The following WDR77 variants were observed in gnomAD, a reference collection of about 807,000 sequenced individuals.
The protein encoded by WDR77 is methylosome protein WDR77.
Under a neutral mutation model 44.0 loss-of-function variants are expected in WDR77, and 31 were observed. The ratio of observed to expected loss-of-function variants is 0.70; its 90% CI spans 0.53 to 0.95. WDR77 has a LOEUF of 0.95. Among genes scored for constraint, WDR77 ranks in the 40% least tolerant of loss-of-function variants. WDR77 has a pLI of 0.00. For missense variants in WDR77, 390 were observed against 423.9 expected, an observed-to-expected ratio of 0.92 and a Z score of 0.70; for synonymous variants, 186 against 165.7, an observed-to-expected ratio of 1.12 and a Z score of -0.94.
At chr1:111,442,368 C>T (rs1239716712) in intron 8 of WDR77, among the ~76,000 whole-genome samples, 1 of 152,202 alleles carries the variant, frequency 6.6e-6, no homozygotes, top group African/African-American at 2.4e-5. Context: ...CAGGCTTTTC[C>T]AATCTCACAG....
chr1:111,444,224 T>A, intron 4 of WDR77, 100 bp from the exon 5 acceptor site: 8 of 1,109,996 alleles, frequency 7.2e-6, no homozygotes, highest in Non-Finnish European at 9.4e-6. Context: ...GAGGGAGGGC[T>A]GGTCTCATGA....
intron 3 of WDR77, 58 bp from the exon 4 acceptor site, chr1:111,447,202 G>T (rs774226015): frequency 1.5e-5 from 24 of 1,597,464 alleles, no homozygotes; most frequent in Non-Finnish European, 2.1e-5. Flanking sequence ...ACATAAAAAC[G>T]TGTTCAAACA....
intron 3 of WDR77, 137 bp from the exon 4 acceptor site, chr1:111,447,281 G>A (rs2101747637): frequency 6.9e-7 from 1 of 1,458,620 alleles, no homozygotes; most frequent in Non-Finnish European, 9.4e-7. Context: ...TACTTACGAT[G>A]GACTGCAAAA....
At chr1:111,447,635 T>A in intron 2 of WDR77, 59 bp from the exon 3 acceptor site, 1 of 1,591,618 alleles carries the variant, frequency 6.3e-7, no homozygotes. Flanking sequence ...AGTAATTCAC[T>A]TCTAGGATTC....
In WDR77 at chr1:111,447,579, G is replaced by A; in HGVS notation, c.302-3C>T. 2 of 1,614,218 alleles carry A rather than the reference G, an allele frequency of 1.2e-6. No individual in the cohort carries two copies. Among genetic ancestry groups the A allele is most frequent in the African/African-American group, 1.3e-5 (1 of 75,064 alleles). ...TAGTTCCCACAATTCAACAGCACCT[G>A]TTGGGGGTAGGGTAAGGAAAACATG... On this transcript the variant is annotated splice_region_variant and splice_polypyrimidine_tract_variant and intron_variant, in intron 2 of 9. Coordinates refer to ENST00000235090, the MANE Select transcript of WDR77 (RefSeq NM_024102.4).
At chr1:111,444,236 G>T in intron 4 of WDR77, 112 bp from the exon 5 acceptor site, 1 of 994,268 alleles carries the variant, frequency 1.0e-6, no homozygotes, top group Non-Finnish European at 1.5e-6. Flanking sequence ...GTCTCATGAT[G>T]CAATTTAACA....
rs780296678 is a variant in WDR77, at chr1:111,443,891, A to G, written c.595T>C (p.Cys199Arg). ...CCAATCTGTGATGCTGGCTTGGGAC[A>G]GCGGGTATCCCAGAGTAAAATTCTA... The part of the protein sequence containing the change: ...DNRILLWDTR[C>R]PKPASQIGCS... The change falls in exon 6 of 10, where the codon TGT (cysteine) becomes CGT (arginine). Residue 199 changes from cysteine to arginine, a missense_variant. By Grantham distance (180) the Cys-to-Arg change is radical. Transcript: ENST00000235090. 45 of 1,614,076 alleles carry G rather than the reference A, an allele frequency of 2.8e-5. No individual in the cohort carries two copies. The highest frequency in any genetic ancestry group is 3.6e-5 in the Non-Finnish European group (43 of 1,180,030).
intron 9 of WDR77, 37 bp downstream of exon 9, chr1:111,441,988 C>CT (rs1652834944): frequency 6.3e-7 from 1 of 1,599,144 alleles, no homozygotes; most frequent in Non-Finnish European, 8.6e-7. Flanking sequence ...CACTGCTCCC[C>CT]TTCCCTGATT....
At chr1:111,446,894 C>A (rs1161183897) in intron 4 of WDR77, 1 of 593,826 alleles carries the variant, frequency 1.7e-6, no homozygotes. Context: ...CACTACTGCA[C>A]TTGACTAGTC....
chr1:111,443,470 A>C (rs1652896976), intron 6 of WDR77, 76 bp from the exon 7 acceptor site: 1 of 1,429,488 alleles, frequency 7.0e-7, no homozygotes, highest in Non-Finnish European at 9.6e-7. Context: ...TATCACTCTA[A>C]ATCCTGGGAG....
At position 111,449,245 on chromosome 1, in the gene WDR77, T is replaced by C; in HGVS notation, c.-76A>G. The C allele has an allele frequency of 1.3e-6, 2 of 1,536,222 alleles. No homozygotes were observed. Among genetic ancestry groups the C allele is most frequent in the Non-Finnish European group, 1.7e-6 (2 of 1,146,920 alleles). On this transcript the variant is annotated 5_prime_UTR_variant, in exon 1 of 10. Transcript: ENST00000235090. Reference sequence around the variant, plus strand: ...CTCCGCTCCGGCAGCAAACCCCACGTGGTGCACCTCTGAGCCTCCGCCCCT... The same window carrying C: ...CTCCGCTCCGGCAGCAAACCCCACGCGGTGCACCTCTGAGCCTCCGCCCCT...
chr1:111,441,316 TG>T lies in WDR77; in HGVS notation c.942del (p.Thr315GlnfsTer40). 1.3e-6 allele frequency: 2 copies of T among 1,585,996 alleles called. No individual in the cohort carries two copies. The highest frequency in any genetic ancestry group is 1.7e-6 in the Non-Finnish European group (2 of 1,163,920). ...ACGACCTGATGGTCCCAGCCCACTG[TG>T]GTAAGCAGGGAGTGATTGAGCGGGG... The part of the protein sequence containing the change: ...TWSPLNHSLL[T>X]TVGWDHQVVH... On this transcript the variant is annotated frameshift_variant, in exon 10 of 10. Transcript: ENST00000235090. LOFTEE classifies it high-confidence loss of function.
rs777508895 is a variant in WDR77 at position 111,444,171 on chromosome 1, C to A, written c.494-47G>T. ...AAATATGATAGAAAACAAGCTGAAG[C>A]ATTACTAGAGGGCCAGCCCAGGAAT... On this transcript the variant is annotated intron_variant, in intron 4 of 9. Coordinates refer to ENST00000235090, the MANE Select transcript of WDR77 (RefSeq NM_024102.4). The A allele has an allele frequency of 3.1e-6, 5 of 1,593,764 alleles. No individual in the cohort carries two copies. The South Asian group carries it at 5.5e-5, about 18-fold the overall frequency.
intron 9 of WDR77, among the ~76,000 whole-genome samples, chr1:111,441,773 G>A (rs925004526): frequency 1.3e-5 from 2 of 152,232 alleles, no homozygotes; most frequent in Non-Finnish European, 2.9e-5. Context: ...GTGGGAGAGC[G>A]CTGGAGGGCT....
Position 111,442,774 on chromosome 1 carries a change from A to AT in WDR77, c.692-14_692-13insA. Reference sequence around the variant, plus strand: ...CCATTCTCATCACCTGTAGAAGAGAAGGAACATGTCATAGTGATTAAGAGC... The same window carrying AT: ...CCATTCTCATCACCTGTAGAAGAGAATGGAACATGTCATAGTGATTAAGAGC... On this transcript the variant is annotated splice_polypyrimidine_tract_variant and intron_variant, in intron 7 of 9. Transcript: ENST00000235090. 6.5e-7 allele frequency: 1 copy of AT among 1,543,818 alleles called. No homozygotes were observed. Among genetic ancestry groups the AT allele is most frequent in the Non-Finnish European group, 8.8e-7 (1 of 1,135,402 alleles).
chr1:111,447,919 C>G lies in WDR77; in HGVS notation c.302-343G>C, dbSNP rs1653116021. On this transcript the variant is annotated intron_variant, in intron 2 of 9. Transcript: ENST00000235090. ...GAAGTTTCCACAACTGTTTAAGCAGCACACTATCCAGTGATGTTAACACTT... is the reference window on the plus strand; with the variant it reads ...GAAGTTTCCACAACTGTTTAAGCAGGACACTATCCAGTGATGTTAACACTT... 2.0e-5 allele frequency among the ~76,000 whole-genome samples: 3 copies of G among 152,338 alleles called. No individual in the cohort carries two copies. The South Asian group carries it at 6.2e-4, about 32-fold the overall frequency.
chr1:111,446,759 T>G (rs1303425066), intron 4 of WDR77: 1 of 216,768 alleles, frequency 4.6e-6, no homozygotes, highest in Non-Finnish European at 9.1e-6. Flanking sequence ...AGCCCTGTGT[T>G]GCCAAGGTGG....
chr1:111,443,740 G>A lies in WDR77; in HGVS notation c.619+127C>T, dbSNP rs139475872. Reference sequence around the variant, plus strand: ...GCAGAGCCTCACTGGAAAAGAAGGAGATTATGTCACTCATGTCACAGTAAC... The same window carrying A: ...GCAGAGCCTCACTGGAAAAGAAGGAAATTATGTCACTCATGTCACAGTAAC... On this transcript the variant is annotated intron_variant, in intron 6 of 9. Transcript: ENST00000235090. 3.0e-4 allele frequency: 462 copies of A among 1,521,222 alleles called. 1 individual carries two copies. In the African/African-American group the frequency reaches 6.0e-3, roughly 20 times the overall value. 94.2% of individuals were successfully genotyped at this position (1,521,222 alleles called of 1,614,324 possible).
intron 9 of WDR77, 70 bp from the exon 10 acceptor site, chr1:111,441,459 C>A: frequency 2.1e-6 from 3 of 1,411,202 alleles, no homozygotes; most frequent in Non-Finnish European, 2.8e-6. Context: ...AAAAGAGAAC[C>A]CAACACATCT....
Sources: allele counts gnomAD v4.1 joint callset (sites outside exome capture counted in the v4.1 genomes callset), GRCh38; gene constraint gnomAD v4.1.1; transcripts MANE v1.5; gene names NCBI Gene and HGNC (gene_info 2026-07-23, HGNC 2026-07-21).